RNGTT: variants seen among roughly 807,000 people sequenced by gnomAD.
RNGTT encodes RNA guanylyltransferase and 5'-phosphatase, also known as mRNA-capping enzyme.
A neutral mutation model predicts 79.3 loss-of-function variants in RNGTT; 33 were observed. That is an observed-to-expected ratio of 0.42 (90% CI 0.32 to 0.56). RNGTT has a LOEUF of 0.56. Among genes scored for constraint, RNGTT ranks in the 20% least tolerant of loss-of-function variants. The probability of loss-of-function intolerance (pLI) is 0.17; values close to 1 mark genes in which losing one functional copy is unlikely to be tolerated. For missense variants in RNGTT, 497 were observed against 739.1 expected, an observed-to-expected ratio of 0.67 and a Z score of 3.80; for synonymous variants, 222 against 235.9, an observed-to-expected ratio of 0.94 and a Z score of 0.54.
chr6:88,845,243 C>A (rs1195775632), intron 10 of RNGTT, among the ~76,000 whole-genome samples: 2 of 152,006 alleles, frequency 1.3e-5, no homozygotes, highest in Non-Finnish European at 2.9e-5. Flanking sequence ...TCAAATACAC[C>A]CTCAACTCTG....
intron 11 of RNGTT, among the ~76,000 whole-genome samples, chr6:88,836,442 A>G (rs569123038): frequency 3.9e-5 from 6 of 152,202 alleles, no homozygotes; most frequent in Admixed American, 1.3e-4. Flanking sequence ...TAACATGACA[A>G]ATAAATTATC....
chr6:88,844,242 G>A lies in RNGTT; in HGVS notation c.1269+115C>T, dbSNP rs549439819. ...GCCAAAACAGCGCTATACCCAATTC[G>A]AGTATTTTCTGACAAAGTCAAGACA... On this transcript the variant is annotated intron_variant, in intron 11 of 15. Transcript: ENST00000369485. The A allele has an allele frequency of 8.0e-4, 770 of 961,328 alleles. 1 individual carries two copies. Among genetic ancestry groups the A allele is most frequent in the Non-Finnish European group, 9.0e-4 (591 of 655,992 alleles). The allele number at this position is 961,328 out of a possible 1,614,324, so 59.5% of individuals were successfully genotyped here.
chr6:88,771,315 GTATATATATATA>G (rs539282627), intron 12 of RNGTT, among the ~76,000 whole-genome samples: 65 of 62,074 alleles, frequency 1.0e-3, no homozygotes, highest in Middle Eastern at 0.012. Context: ...GTGTGTGTGT[GTATATATATATA>G]TATATATATA....
chr6:88,891,341 A>C (rs1424280373), intron 7 of RNGTT, among the ~76,000 whole-genome samples: 2 of 152,172 alleles, frequency 1.3e-5, no homozygotes, highest in African/African-American at 4.8e-5. Flanking sequence ...AAGACCTGAG[A>C]GCAACAGATA....
chr6:88,855,743 T>C (rs939936738), intron 8 of RNGTT, among the ~76,000 whole-genome samples: 3 of 152,138 alleles, frequency 2.0e-5, no homozygotes, highest in Non-Finnish European at 4.4e-5. Flanking sequence ...GAAAGACTCC[T>C]AGACCAAATG....
chr6:88,948,446 G>A (rs1785106090), intron 1 of RNGTT, among the ~76,000 whole-genome samples: 1 of 138,372 alleles, frequency 7.2e-6, no homozygotes, highest in African/African-American at 2.7e-5. Flanking sequence ...GGGAAGTGAG[G>A]AGCCCCTCTG....
chr6:88,900,076 A>T (rs1783394803), intron 6 of RNGTT, among the ~76,000 whole-genome samples: 2 of 151,850 alleles, frequency 1.3e-5, no homozygotes, highest in Non-Finnish European at 2.9e-5. Flanking sequence ...GCCTCAAATT[A>T]TTTACATAAT....
chr6:88,616,661 A>G (rs1008971148), intron 14 of RNGTT, among the ~76,000 whole-genome samples: 13 of 152,070 alleles, frequency 8.5e-5, no homozygotes, highest in Non-Finnish European at 1.9e-4. Context: ...GAATCTTTCC[A>G]TGTGCTTATT....
intron 13 of RNGTT, among the ~76,000 whole-genome samples, chr6:88,724,342 C>A (rs967242299): frequency 6.6e-6 from 1 of 152,030 alleles, no homozygotes; most frequent in Non-Finnish European, 1.5e-5. Context: ...TTTTACTGTA[C>A]GATTTCTTGT....
intron 12 of RNGTT, among the ~76,000 whole-genome samples, chr6:88,776,384 A>G (rs1778882542): frequency 1.3e-5 from 2 of 151,216 alleles, no homozygotes; most frequent in Admixed American, 6.6e-5. Flanking sequence ...CAGTGGCGCA[A>G]TCTCAGCTCA....
intron 4 of RNGTT, among the ~76,000 whole-genome samples, chr6:88,911,289 G>GATCT (rs1167648739): frequency 6.6e-6 from 1 of 152,154 alleles, no homozygotes; most frequent in East Asian, 1.9e-4. Flanking sequence ...GATGGAGAAA[G>GATCT]ATCTATCATG....
chr6:88,851,200 T>A (rs12200822), intron 9 of RNGTT, among the ~76,000 whole-genome samples: 35,902 of 143,434 alleles, frequency 0.25, 5,015 homozygotes, highest in Non-Finnish European at 0.33. Flanking sequence ...GAACTAAATT[T>A]AAAAAAAAAA....
At chr6:88,944,182 C>T (rs188035321) in intron 1 of RNGTT, among the ~76,000 whole-genome samples, 43 of 152,314 alleles carry the variant, frequency 2.8e-4, no homozygotes, top group African/African-American at 7.5e-4. Context: ...ACATGCTAGA[C>T]ACTGTTTAAA....
intron 8 of RNGTT, among the ~76,000 whole-genome samples, chr6:88,863,395 T>C (rs926399775): frequency 8.5e-5 from 13 of 152,184 alleles, no homozygotes; most frequent in Non-Finnish European, 1.8e-4. Flanking sequence ...CTGGGTAAAT[T>C]ATGTCTATAG....
At chr6:88,714,090 T>G (rs993185548) in intron 13 of RNGTT, among the ~76,000 whole-genome samples, 1 of 152,208 alleles carries the variant, frequency 6.6e-6, no homozygotes, top group Non-Finnish European at 1.5e-5. Context: ...TTTCCTCATC[T>G]ATAAAATGGA....
intron 11 of RNGTT, among the ~76,000 whole-genome samples, chr6:88,813,810 T>C (rs1358057345): frequency 6.6e-6 from 1 of 152,342 alleles, no homozygotes; most frequent in East Asian, 1.9e-4. Flanking sequence ...AAGTATCCTA[T>C]GCTTCCCTCC....
intron 13 of RNGTT, among the ~76,000 whole-genome samples, chr6:88,725,290 G>C (rs1776853186): frequency 6.6e-6 from 1 of 152,144 alleles, no homozygotes; most frequent in Non-Finnish European, 1.5e-5. Flanking sequence ...AAACTGGCCA[G>C]AAACCTAGCT....
At chr6:88,682,736 A>G (rs1329278946) in intron 13 of RNGTT, among the ~76,000 whole-genome samples, 2 of 152,146 alleles carry the variant, frequency 1.3e-5, no homozygotes, top group African/African-American at 4.8e-5. Context: ...ACTCTTCCTG[A>G]TCCTCTCCTT....
chr6:88,676,486 A>G (rs768766918), intron 14 of RNGTT, among the ~76,000 whole-genome samples: 2 of 152,212 alleles, frequency 1.3e-5, no homozygotes, highest in Non-Finnish European at 2.9e-5. Context: ...AACTTCTAGC[A>G]GAATACATAC....
Sources: allele counts gnomAD v4.1 joint callset (sites outside exome capture counted in the v4.1 genomes callset), GRCh38; gene constraint gnomAD v4.1.1; transcripts MANE v1.5; gene names NCBI Gene and HGNC (gene_info 2026-07-23, HGNC 2026-07-21).